RNF41: variants seen among roughly 807,000 people sequenced by gnomAD.
The protein encoded by RNF41 is E3 ubiquitin-protein ligase NRDP1.
In RNF41, 4 loss-of-function variants were observed where a neutral mutation model predicts 33.0. The observed-to-expected ratio is 0.12, with a 90% CI of 0.06 to 0.28. The LOEUF is 0.28. Ranked by LOEUF, RNF41 falls within the 10% of genes least tolerant of loss-of-function variation. The pLI, the probability that RNF41 is intolerant of heterozygous loss-of-function variation, is 1.00. For missense variants in RNF41, 228 were observed against 432.6 expected, an observed-to-expected ratio of 0.53 and a Z score of 4.19; for synonymous variants, 164 against 153.2, an observed-to-expected ratio of 1.07 and a Z score of -0.52.
rs1246767648 is a variant in RNF41, at chr12:56,203,888, G to T, written c.*2559C>A. 6.8e-6 allele frequency: 1 copy of T among 148,006 alleles called. No individual in the cohort carries two copies. Among genetic ancestry groups the T allele is most frequent in the Non-Finnish European group, 1.5e-5 (1 of 67,256 alleles). The allele number at this position is 148,006 out of a possible 1,614,324, so 9.2% of individuals were successfully genotyped here. ...GCCCGGCTAATTTTTTGTATTTTTA[G>T]TAGAGACGGGGTTTCACTGTGTTAG... On this transcript the variant is annotated 3_prime_UTR_variant, in exon 7 of 7. Coordinates refer to ENST00000345093, the MANE Select transcript of RNF41 (RefSeq NM_005785.4).
chr12:56,214,049 T>C lies in RNF41; in HGVS notation c.-2A>G. On this transcript the variant is annotated 5_prime_UTR_variant, in exon 3 of 7. Transcript: ENST00000345093. ...GAAACGGGTTACATCATACCCCATG[T>C]CTCATCACTGAAACCCAGGTCCTGA... The C allele has an allele frequency of 6.2e-7, 1 of 1,609,480 alleles. No individual in the cohort carries two copies. The highest frequency in any genetic ancestry group is 2.2e-5 in the East Asian group (1 of 44,856).
rs551473292 is a variant in RNF41 at position 56,203,770 on chromosome 12, A to G, written c.*2677T>C. 7.0e-6 allele frequency: 1 copy of G among 143,770 alleles called. No individual in the cohort carries two copies. The highest frequency in any genetic ancestry group is 7.2e-5 in the Admixed American group (1 of 13,950). 8.9% of individuals were successfully genotyped at this position (143,770 alleles called of 1,614,324 possible). A position where few individuals can be genotyped will look rare whatever the true frequency, so the allele number is the denominator to read the frequency against. On this transcript the variant is annotated 3_prime_UTR_variant, in exon 7 of 7. Transcript: ENST00000345093. ...GCCCAGGCTGGAATGCAGTGGCCCA[A>G]TCTCTGCTCACTGCAAGCTCTGCCT...
intron 5 of RNF41, 133 bp from the exon 6 acceptor site, chr12:56,207,882 A>G: frequency 1.3e-6 from 1 of 799,570 alleles, no homozygotes. Flanking sequence ...AGACAGGGAT[A>G]AGACTGTCTC....
intron 1 of RNF41, among the ~76,000 whole-genome samples, chr12:56,217,459 A>G (rs1868990919): frequency 6.6e-6 from 1 of 151,988 alleles, no homozygotes. Flanking sequence ...AGGCAGGGAG[A>G]ATTGCTTGAA....
chr12:56,208,109 C>T (rs1205009673), intron 5 of RNF41, 54 bp downstream of exon 5: 1 of 1,607,366 alleles, frequency 6.2e-7, no homozygotes, highest in Admixed American at 1.7e-5. Context: ...TACCCACAGG[C>T]AGGCAGTTAT....
intron 4 of RNF41, 62 bp from the exon 5 acceptor site, chr12:56,208,360 G>A: frequency 1.3e-6 from 2 of 1,576,554 alleles, no homozygotes; most frequent in Non-Finnish European, 1.7e-6. Flanking sequence ...TATGCAAATG[G>A]CCTATTCTGT....
chr12:56,221,510 G>C (rs987799542), intron 1 of RNF41: 1 of 152,116 alleles, frequency 6.6e-6, no homozygotes, highest in Non-Finnish European at 1.5e-5. Context: ...AGCTAGCCCC[G>C]GCCCCCTCCC....
At chr12:56,207,231 C>T in intron 6 of RNF41, 2 of 1,327,416 alleles carry the variant, frequency 1.5e-6, no homozygotes, top group Non-Finnish European at 2.0e-6. Context: ...CACTTGTATA[C>T]TTCGCTTGTT....
chr12:56,206,218 A>G lies in RNF41; in HGVS notation c.*229T>C. 4.0e-6 allele frequency: 2 copies of G among 505,938 alleles called. No individual in the cohort carries two copies. Among genetic ancestry groups the G allele is most frequent in the East Asian group, 6.6e-5 (2 of 30,502 alleles). 31.3% of individuals were successfully genotyped at this position (505,938 alleles called of 1,614,324 possible). A position where few individuals can be genotyped will look rare whatever the true frequency, so the allele number is the denominator to read the frequency against. ...GGTGGGGGCTTTCCCACCCAGACTG[A>G]TAATTTATAGACATTTTAGGGGAAT... On this transcript the variant is annotated 3_prime_UTR_variant, in exon 7 of 7. Coordinates refer to ENST00000345093, the MANE Select transcript of RNF41 (RefSeq NM_005785.4). This position sits in a 1 kb window ranked among gnomAD's most constrained non-coding sequence, Gnocchi z 5.7.
Position 56,202,945 on chromosome 12 carries a change from T to C in RNF41, c.*3502A>G, listed in dbSNP as rs932598601. 6.6e-6 allele frequency: 1 copy of C among 152,202 alleles called. No individual in the cohort carries two copies. The highest frequency in any genetic ancestry group is 1.5e-5 in the Non-Finnish European group (1 of 68,040). The allele number at this position is 152,202 out of a possible 1,614,324, so 9.4% of individuals were successfully genotyped here. A position where few individuals can be genotyped will look rare whatever the true frequency, so the allele number is the denominator to read the frequency against. The stretch of plus-strand genomic sequence containing the variant: ...AAGGAGTTTAAGGGGGGAAAAGCAC[T>C]GCTAATGTCACTAGGATACATACAT... On this transcript the variant is annotated 3_prime_UTR_variant, in exon 7 of 7. Transcript: ENST00000345093.
At chr12:56,208,052 G>C in intron 5 of RNF41, 111 bp downstream of exon 5, 1 of 1,314,600 alleles carries the variant, frequency 7.6e-7, no homozygotes, top group South Asian at 1.3e-5. Context: ...ACTCATCTAG[G>C]CTCACAAGTG....
intron 1 of RNF41, chr12:56,221,449 G>C (rs983674214): frequency 6.6e-6 from 1 of 152,202 alleles, no homozygotes; most frequent in Admixed American, 6.6e-5. Context: ...GTCAATCATT[G>C]CCCATTTAAA....
At chr12:56,210,276 G>A (rs1241480991) in intron 4 of RNF41, 21 bp downstream of exon 4, 11 of 1,606,648 alleles carry the variant, frequency 6.8e-6, no homozygotes, top group Non-Finnish European at 9.4e-6. Context: ...TCCATGTGGG[G>A]CAGAAGGGAA....
intron 1 of RNF41, among the ~76,000 whole-genome samples, chr12:56,221,286 G>C (rs1423003276): frequency 6.6e-6 from 1 of 152,140 alleles, no homozygotes; most frequent in East Asian, 1.9e-4. Flanking sequence ...GCTGGGAGGG[G>C]GTGAGGAGCG....
At chr12:56,219,368 T>A (rs1020158644) in intron 1 of RNF41, among the ~76,000 whole-genome samples, 3 of 151,694 alleles carry the variant, frequency 2.0e-5, no homozygotes, top group African/African-American at 7.3e-5. Context: ...ATTTTTTTTT[T>A]TTATTTTTAG....
intron 1 of RNF41, among the ~76,000 whole-genome samples, chr12:56,220,124 G>T (rs1386105879): frequency 6.6e-6 from 1 of 152,096 alleles, no homozygotes; most frequent in Non-Finnish European, 1.5e-5. Flanking sequence ...TACAAAATAA[G>T]GCTGGGTGCA....
At chr12:56,220,730 CAAA>C (rs113806744) in intron 1 of RNF41, among the ~76,000 whole-genome samples, 2 of 82,430 alleles carry the variant, frequency 2.4e-5, no homozygotes. Flanking sequence ...GACTCCGTTT[CAAA>C]AAAAAAAAAA....
At chr12:56,219,979 C>T (rs1303051799) in intron 1 of RNF41, among the ~76,000 whole-genome samples, 2 of 150,986 alleles carry the variant, frequency 1.3e-5, no homozygotes, top group Non-Finnish European at 2.9e-5. Flanking sequence ...ATCGCAGCAC[C>T]GCACTCCGGC....
Position 56,206,201 on chromosome 12 carries a change from C to A in RNF41, c.*246G>T. 1 of 443,832 alleles carries A rather than the reference C, an allele frequency of 2.3e-6. No individual in the cohort carries two copies. Among genetic ancestry groups the A allele is most frequent in the East Asian group, 3.7e-5 (1 of 26,734 alleles). 27.5% of individuals were successfully genotyped at this position (443,832 alleles called of 1,614,324 possible). ...GCAGGAAAATGGATGGAGGTGGGGG[C>A]TTTCCCACCCAGACTGATAATTTAT... is the stretch of plus-strand genomic sequence containing the variant. On this transcript the variant is annotated 3_prime_UTR_variant, in exon 7 of 7. Coordinates refer to ENST00000345093, the MANE Select transcript of RNF41 (RefSeq NM_005785.4). The surrounding 1 kb of genome is among the most constrained non-coding windows in gnomAD (Gnocchi z 5.7).
Sources: gnomAD v4.1 joint callset for allele counts (sites outside exome capture counted in the v4.1 genomes callset) on GRCh38, gnomAD v4.1.1 for gene constraint, Gnocchi (gnomAD v3.1) non-coding constraint, MANE v1.5 for transcripts, NCBI Gene and HGNC (gene_info 2026-07-23, HGNC 2026-07-21) for gene names.